Variants in SNX13 observed in about 807,000 individuals in gnomAD.
SNX13 encodes the protein sorting nexin 13.
SNX13 carries 45 observed loss-of-function variants against 133.6 expected under a neutral mutation model. The ratio of observed to expected loss-of-function variants is 0.34; its 90% CI spans 0.27 to 0.43. The LOEUF is 0.43. SNX13 is among the 20% of genes least tolerant of loss of function. SNX13 has a pLI of 1.00. For missense variants in SNX13, 1,032 were observed against 1,145.1 expected, an observed-to-expected ratio of 0.90 and a Z score of 1.43; for synonymous variants, 414 against 373.9, an observed-to-expected ratio of 1.11 and a Z score of -1.24.
intron 1 of SNX13, among the ~76,000 whole-genome samples, chr7:17,920,087 T>C (rs1046601180): frequency 6.6e-6 from 1 of 152,190 alleles, no homozygotes; most frequent in African/African-American, 2.4e-5. Flanking sequence ...TCTGGTGTCA[T>C]AGCCTCAAAA....
chr7:17,904,804 T>C (rs1457960365), intron 1 of SNX13, among the ~76,000 whole-genome samples: 1 of 152,214 alleles, frequency 6.6e-6, no homozygotes, highest in South Asian at 2.1e-4. Context: ...AAGTACAGAC[T>C]GTTTTCCTCC....
At chr7:17,846,940 T>C (rs936511091) in intron 11 of SNX13, among the ~76,000 whole-genome samples, 1 of 152,208 alleles carries the variant, frequency 6.6e-6, no homozygotes, top group African/African-American at 2.4e-5. Context: ...CCGTGGGGAT[T>C]CTGAGTTTAC....
chr7:17,867,538 C>T (rs934203545), intron 9 of SNX13, among the ~76,000 whole-genome samples: 6 of 151,618 alleles, frequency 4.0e-5, no homozygotes, highest in African/African-American at 9.7e-5. Flanking sequence ...GCCAAGGAGG[C>T]GGAGGCTGCA....
chr7:17,874,489 G>A (rs767827252), intron 7 of SNX13, among the ~76,000 whole-genome samples: 1 of 152,060 alleles, frequency 6.6e-6, no homozygotes, highest in Non-Finnish European at 1.5e-5. Flanking sequence ...CACTGTTCAA[G>A]TGTCAACTAT....
chr7:17,931,523 G>C (rs1801389233), intron 1 of SNX13, among the ~76,000 whole-genome samples: 1 of 152,050 alleles, frequency 6.6e-6, no homozygotes, highest in Admixed American at 6.6e-5. Context: ...ACAAAACAAA[G>C]AATCACAACT....
chr7:17,927,343 A>G (rs1459513817), intron 1 of SNX13, among the ~76,000 whole-genome samples: 1 of 151,952 alleles, frequency 6.6e-6, no homozygotes, highest in African/African-American at 2.4e-5. Context: ...CCTGGACTCC[A>G]GCAATCCTCC....
chr7:17,856,529 A>C (rs1791901193), intron 9 of SNX13, among the ~76,000 whole-genome samples: 2 of 152,160 alleles, frequency 1.3e-5, no homozygotes, highest in African/African-American at 4.8e-5. Context: ...TATATGGCTC[A>C]CACTTGTAAT....
Position 17,909,825 on chromosome 7 carries a change from C to T in SNX13, c.13-12379G>A, listed in dbSNP as rs765034292. 4.6e-5 allele frequency among the ~76,000 whole-genome samples: 7 copies of T among 152,320 alleles called. No homozygotes were observed. In the East Asian group the frequency reaches 1.2e-3, roughly 25 times the overall value. ...AGCAAACCACCATGGCACACACTTA[C>T]CTATGTAACAAATCTGCACATCCTG... On this transcript the variant is annotated intron_variant, in intron 1 of 25. Coordinates refer to ENST00000428135, the MANE Select transcript of SNX13 (RefSeq NM_015132.5).
intron 1 of SNX13, among the ~76,000 whole-genome samples, chr7:17,924,485 G>C (rs1288931130): frequency 6.6e-6 from 1 of 152,144 alleles, no homozygotes; most frequent in Non-Finnish European, 1.5e-5. Flanking sequence ...GGAGGATATG[G>C]AGAAAACAAA....
At chr7:17,841,582 A>ACACG (rs750599891) in intron 12 of SNX13, among the ~76,000 whole-genome samples, 1 of 150,434 alleles carries the variant, frequency 6.6e-6, no homozygotes, top group Admixed American at 6.8e-5. Flanking sequence ...ACACACACAC[A>ACACG]CGCACACACA....
intron 13 of SNX13, among the ~76,000 whole-genome samples, chr7:17,838,082 C>T (rs751537466): frequency 2.6e-5 from 4 of 151,842 alleles, no homozygotes; most frequent in Non-Finnish European, 5.9e-5. Context: ...TAGAGAAAAA[C>T]ATTTTTCTTG....
intron 3 of SNX13, among the ~76,000 whole-genome samples, 165 bp downstream of exon 3, chr7:17,893,167 C>T (rs1796821500): frequency 6.6e-6 from 1 of 152,092 alleles, no homozygotes; most frequent in South Asian, 2.1e-4. Context: ...TTAAGATGGC[C>T]TTTTAAAATA....
At chr7:17,830,161 T>TAAAAA (rs367739163) in intron 15 of SNX13, 114 bp from the exon 16 acceptor site, 796 of 474,400 alleles carry the variant, frequency 1.7e-3, no homozygotes, top group Middle Eastern at 2.2e-3. Context: ...AACATAATAG[T>TAAAAA]AAAAAAAAAA....
chr7:17,820,667 A>C (rs1238725959), intron 18 of SNX13, among the ~76,000 whole-genome samples: 2 of 152,254 alleles, frequency 1.3e-5, no homozygotes, highest in East Asian at 3.9e-4. Context: ...ATTTTCCACT[A>C]TATTAAGTTG....
intron 1 of SNX13, among the ~76,000 whole-genome samples, chr7:17,907,025 C>G (rs114326383): frequency 2.1e-3 from 320 of 152,070 alleles, no homozygotes; most frequent in African/African-American, 6.8e-3. Flanking sequence ...GTTCTTGGGG[C>G]GAAACACCAA....
intron 1 of SNX13, among the ~76,000 whole-genome samples, chr7:17,917,585 A>C (rs1028423535): frequency 3.9e-5 from 6 of 152,116 alleles, no homozygotes; most frequent in Admixed American, 1.3e-4. Flanking sequence ...GAATACAGCT[A>C]ATCAAGGAAG....
chr7:17,831,040 A>C (rs1484254675), intron 15 of SNX13: 7 of 984,376 alleles, frequency 7.1e-6, no homozygotes, highest in Middle Eastern at 5.2e-4. Context: ...TAAAATAGTT[A>C]TCTATCCTCC....
intron 1 of SNX13, among the ~76,000 whole-genome samples, chr7:17,904,960 A>C (rs1389278038): frequency 6.6e-6 from 1 of 152,158 alleles, no homozygotes; most frequent in Admixed American, 6.5e-5. Flanking sequence ...TTAAGTATGA[A>C]AATTACTAAC....
At chr7:17,803,628 G>T in intron 20 of SNX13, 48 bp from the exon 21 acceptor site, 1 of 1,506,114 alleles carries the variant, frequency 6.6e-7, no homozygotes, top group Non-Finnish European at 8.9e-7. Context: ...TACCAGAGTT[G>T]TTATCCAAAT....
Sources: gnomAD v4.1 joint callset for allele counts (sites outside exome capture counted in the v4.1 genomes callset) on GRCh38, gnomAD v4.1.1 for gene constraint, MANE v1.5 for transcripts, NCBI Gene and HGNC (gene_info 2026-07-23, HGNC 2026-07-21) for gene names.